HIPK2: variants seen among roughly 807,000 people sequenced by gnomAD.
HIPK2 encodes the protein homeodomain-interacting protein kinase 2.
Under a neutral mutation model 113.7 loss-of-function variants are expected in HIPK2, and 27 were observed. That is an observed-to-expected ratio of 0.24 (90% CI 0.17 to 0.33). The LOEUF is 0.33. HIPK2 is among the 10% of genes least tolerant of loss of function. The pLI, the probability that HIPK2 is intolerant of heterozygous loss-of-function variation, is 1.00. For synonymous variants in HIPK2, 631 were observed against 642.2 expected, an observed-to-expected ratio of 0.98 and a Z score of 0.26; for missense variants, 1,257 against 1,588.0, an observed-to-expected ratio of 0.79 and a Z score of 3.54.
At chr7:139,625,783 C>T (rs999539328) in intron 6 of HIPK2, among the ~76,000 whole-genome samples, 4 of 152,308 alleles carry the variant, frequency 2.6e-5, no homozygotes, top group Non-Finnish European at 5.9e-5. Flanking sequence ...CTCTCTCTTA[C>T]GGACTGCAAG....
At chr7:139,652,421 G>A (rs1266658393) in intron 2 of HIPK2, among the ~76,000 whole-genome samples, 3 of 152,150 alleles carry the variant, frequency 2.0e-5, no homozygotes, top group African/African-American at 7.2e-5. Flanking sequence ...GATATTTATT[G>A]AGCTCCCAGC....
intron 2 of HIPK2, among the ~76,000 whole-genome samples, chr7:139,643,395 C>A (rs1801095910): frequency 6.6e-6 from 1 of 152,016 alleles, no homozygotes; most frequent in Non-Finnish European, 1.5e-5. Flanking sequence ...CACACACACA[C>A]ACACACACAC....
At position 139,613,238 on chromosome 7, in the gene HIPK2, A is replaced by C; in HGVS notation, c.2076T>G (p.Ala692=). ...AVPIVTQAPG[A]QPLQIQPGLL... ...GACCTGGTTGGATCTGAAGAGGCTG[A>C]GCTCCTGGGGCTTGAGTGACGATGG... is the stretch of plus-strand genomic sequence containing the variant. Residue 692 remains alanine (A), a synonymous_variant, in exon 9 of 15, where the codon GCT becomes GCG. Transcript: ENST00000406875. This position sits in a 1 kb window ranked among gnomAD's most constrained non-coding sequence, Gnocchi z 4.2. 1 of 1,613,876 alleles carries C rather than the reference A, an allele frequency of 6.2e-7. No individual in the cohort carries two copies. The highest frequency in any genetic ancestry group is 2.2e-5 in the East Asian group (1 of 44,874).
rs571683033 is a variant in HIPK2 at position 139,650,213 on chromosome 7, G to C, written c.1104-18488C>G. On this transcript the variant is annotated intron_variant, in intron 2 of 14. Coordinates refer to ENST00000406875, the MANE Select transcript of HIPK2 (RefSeq NM_022740.5). ...AAAAATACAAAAATTAGCTGGGTGT[G>C]GTAGCATGAACCTGTAATCTCAGCT... 2.0e-5 allele frequency among the ~76,000 whole-genome samples: 3 copies of C among 152,024 alleles called. No homozygotes were observed. In the East Asian group the frequency reaches 5.8e-4, roughly 29 times the overall value.
rs746241881 is a variant in HIPK2, at chr7:139,567,797, C to G, written c.*5130G>C. ...AATTCTCTCTGCTAGTTGAGAGCAC[C>G]GAGCCATTTCCTTCTTTCCATTTTC... On this transcript the variant is annotated 3_prime_UTR_variant, in exon 15 of 15. Coordinates refer to ENST00000406875, the MANE Select transcript of HIPK2 (RefSeq NM_022740.5). 2 of 152,206 alleles carry G rather than the reference C, an allele frequency of 1.3e-5. No homozygotes were observed. Among genetic ancestry groups the G allele is most frequent in the Non-Finnish European group, 2.9e-5 (2 of 68,074 alleles). 9.4% of individuals were successfully genotyped at this position (152,206 alleles called of 1,614,324 possible).
chr7:139,754,260 C>T (rs551612135), intron 1 of HIPK2, among the ~76,000 whole-genome samples: 10 of 152,290 alleles, frequency 6.6e-5, no homozygotes, highest in African/African-American at 1.7e-4. Flanking sequence ...TCTAAGTCTC[C>T]GATAGAAGGA....
At chr7:139,736,684 C>T (rs1196929409) in intron 1 of HIPK2, among the ~76,000 whole-genome samples, 1 of 152,208 alleles carries the variant, frequency 6.6e-6, no homozygotes, top group East Asian at 1.9e-4. Context: ...AATGCCTACG[C>T]TGGAGCTATG....
At chr7:139,634,699 A>G (rs932824415) in intron 2 of HIPK2, among the ~76,000 whole-genome samples, 1 of 87,080 alleles carries the variant, frequency 1.1e-5, no homozygotes, top group Non-Finnish European at 2.0e-5. Context: ...TTTTTTTGAG[A>G]CAGAGTCTTG....
intron 1 of HIPK2, among the ~76,000 whole-genome samples, chr7:139,755,356 A>C (rs1380099736): frequency 4.6e-5 from 7 of 152,242 alleles, no homozygotes; most frequent in African/African-American, 1.7e-4. Context: ...TGATGACCTC[A>C]GAACTTCTTG....
intron 2 of HIPK2, among the ~76,000 whole-genome samples, chr7:139,681,551 T>C (rs1377572151): frequency 6.6e-6 from 1 of 152,106 alleles, no homozygotes; most frequent in Non-Finnish European, 1.5e-5. Flanking sequence ...TCAGTGTGGG[T>C]GTCAAGAGGT....
intron 1 of HIPK2, among the ~76,000 whole-genome samples, chr7:139,767,375 C>T (rs959233061): frequency 3.3e-5 from 5 of 152,318 alleles, no homozygotes; most frequent in Non-Finnish European, 7.4e-5. Context: ...GACCTTCACA[C>T]CTACAAGTAA....
intron 1 of HIPK2, among the ~76,000 whole-genome samples, chr7:139,733,391 T>C (rs7787807): frequency 0.15 from 22,233 of 152,186 alleles, 1,646 homozygotes; most frequent in Non-Finnish European, 0.16. Flanking sequence ...CTGCATCTCT[T>C]TTCCATGTAA....
intron 1 of HIPK2, among the ~76,000 whole-genome samples, chr7:139,775,938 C>A (rs1796734213): frequency 6.6e-6 from 1 of 152,182 alleles, no homozygotes; most frequent in East Asian, 1.9e-4. Context: ...GTTCTGAATT[C>A]AATGCCAAGT....
At position 139,600,536 on chromosome 7, in the gene HIPK2, G is replaced by C. The variant is rs34816493; in HGVS notation, c.2316C>G (p.Thr772=). 1,394 of 1,614,012 alleles carry C rather than the reference G, an allele frequency of 8.6e-4. 13 individuals are homozygous for C. The African/African-American group carries it at 0.016, about 18-fold the overall frequency. ...GTGCTGCTGGAAGGGTCACATGACC[G>C]GTCAATAGTGCAGGCTGCTGCATGA... ...NPIMQQPALL[T]GHVTLPAAQP... is the part of the protein sequence containing the mutation. Residue 772 remains threonine, a synonymous_variant, in exon 11 of 15, where the codon ACC becomes ACG. Transcript: ENST00000406875.
intron 6 of HIPK2, 74 bp downstream of exon 6, chr7:139,626,527 A>C: frequency 1.3e-6 from 2 of 1,513,538 alleles, no homozygotes; most frequent in Non-Finnish European, 9.0e-7. Context: ...ATGGCCGCAA[A>C]ACCTAAAATA....
intron 2 of HIPK2, among the ~76,000 whole-genome samples, chr7:139,637,967 A>C (rs1391302341): frequency 1.3e-5 from 2 of 152,176 alleles, no homozygotes; most frequent in Non-Finnish European, 2.9e-5. Context: ...CAGGTGGCCA[A>C]CAAAAGAATT....
chr7:139,747,513 G>A (rs1019893365), intron 1 of HIPK2, among the ~76,000 whole-genome samples: 2 of 152,092 alleles, frequency 1.3e-5, no homozygotes, highest in Non-Finnish European at 2.9e-5. Flanking sequence ...CATCTCTATC[G>A]AGCACTAAAC....
chr7:139,729,375 GA>G (rs1795698519), intron 1 of HIPK2, among the ~76,000 whole-genome samples: 1 of 128,250 alleles, frequency 7.8e-6, no homozygotes, highest in African/African-American at 3.6e-5. Context: ...GAGAGAGAGA[GA>G]GAGAGAGAAT....
intron 5 of HIPK2, among the ~76,000 whole-genome samples, chr7:139,628,631 G>A (rs1370136960): frequency 1.3e-5 from 2 of 151,986 alleles, no homozygotes; most frequent in Admixed American, 6.6e-5. Context: ...ACGGGGTTTC[G>A]CCATGTTGGC....
Sources: allele counts gnomAD v4.1 joint callset (sites outside exome capture counted in the v4.1 genomes callset), GRCh38; gene constraint gnomAD v4.1.1; non-coding constraint Gnocchi (gnomAD v3.1); transcripts MANE v1.5; gene names NCBI Gene and HGNC (gene_info 2026-07-23, HGNC 2026-07-21).